Variants in TENM2 observed in about 807,000 individuals in gnomAD.
The protein encoded by TENM2 is teneurin transmembrane protein 2.
TENM2 carries 52 observed loss-of-function variants against 245.2 expected under a neutral mutation model. That is an observed-to-expected ratio of 0.21 (90% confidence interval 0.17 to 0.27). The LOEUF is 0.27. TENM2 is among the 10% of genes least tolerant of loss of function. The pLI is 1.00. For missense variants in TENM2, 3,046 were observed against 3,666.8 expected, an observed-to-expected ratio of 0.83 and a Z score of 4.37; for synonymous variants, 1,363 against 1,438.9, an observed-to-expected ratio of 0.95 and a Z score of 1.19.
At position 168,218,978 on chromosome 5, in the gene TENM2, C is replaced by T; in HGVS notation, c.5087C>T (p.Thr1696Ile). The T allele has an allele frequency of 6.2e-7, 1 of 1,613,586 alleles. No individual in the cohort carries two copies. Among genetic ancestry groups the T allele is most frequent in the Non-Finnish European group, 8.5e-7 (1 of 1,179,654 alleles). ...CTCCTGGCCACCAAGAGCGATGAAA[C>T]AGGATGGACGACTTTCTATGAGTAA... Residue 1696 changes from threonine to isoleucine, a missense_variant, in exon 23 of 29, where the codon ACA becomes ATA. Thr to Ile is a moderately conservative substitution (Grantham distance 89). This residue lies in a region of TENM2 where 2,704 missense variants were observed against 3,331.9 expected (regional missense o/e 0.81). Coordinates refer to ENST00000518659, the Ensembl canonical transcript of TENM2. The surrounding 1 kb of genome is among the most constrained non-coding windows in gnomAD (Gnocchi z 5.2).
At chr5:167,309,269 A>G (rs1755874191) in intron 1 of TENM2, among the ~76,000 whole-genome samples, 1 of 152,166 alleles carries the variant, frequency 6.6e-6, no homozygotes, top group Admixed American at 6.5e-5. Flanking sequence ...CTGGGTTGAT[A>G]CTGCAACGTG....
the TENM2 span, among the ~76,000 whole-genome samples, chr5:167,229,566 G>T: frequency 6.6e-6 from 1 of 152,208 alleles, no homozygotes; most frequent in Non-Finnish European, 1.5e-5. Flanking sequence ...GCAGGTGGCA[G>T]GTACAAGTGG....
the TENM2 span, among the ~76,000 whole-genome samples, chr5:167,109,148 T>C: frequency 6.6e-6 from 1 of 152,172 alleles, no homozygotes; most frequent in East Asian, 1.9e-4. Flanking sequence ...GTATTTTTAC[T>C]GTATATTAGA....
intron 2 of TENM2, among the ~76,000 whole-genome samples, chr5:167,713,071 C>T (rs1264083779): frequency 3.9e-5 from 6 of 151,974 alleles, no homozygotes; most frequent in South Asian, 2.1e-4. Flanking sequence ...TACATATGTG[C>T]GTGTGTATAG....
At chr5:167,284,120 C>G (rs960278913), upstream of TENM2, among the ~76,000 whole-genome samples, 2 of 152,142 alleles carry the variant, frequency 1.3e-5, no homozygotes, top group Non-Finnish European at 2.9e-5. Context: ...GTCCAAGACA[C>G]AGATCTGCAA....
chr5:167,919,076 C>T lies in TENM2; in HGVS notation c.713-33512C>T, dbSNP rs1194929036. ...ACTAATGTGCAATCTCTATTTCTTGCTTTTGTCTGGGGGCCTCTCATATTA... is the reference window on the plus strand; with the variant it reads ...ACTAATGTGCAATCTCTATTTCTTGTTTTTGTCTGGGGGCCTCTCATATTA... On this transcript the variant is annotated intron_variant, in intron 3 of 28. Transcript: ENST00000518659. Among the ~76,000 whole-genome samples the T allele has an allele frequency of 5.3e-5, 8 of 152,128 alleles. 1 individual carries two copies. Among genetic ancestry groups the T allele is most frequent in the Admixed American group, 3.9e-4 (6 of 15,276 alleles).
chr5:168,031,894 G>T (rs552716522), intron 5 of TENM2, among the ~76,000 whole-genome samples: 2 of 152,288 alleles, frequency 1.3e-5, no homozygotes, highest in South Asian at 4.1e-4. Flanking sequence ...CTGGGACCTG[G>T]ACCTGAAGCC....
chr5:167,586,589 T>C (rs1775510846), intron 2 of TENM2, among the ~76,000 whole-genome samples: 1 of 152,230 alleles, frequency 6.6e-6, no homozygotes, highest in African/African-American at 2.4e-5. Context: ...AATCCACTCC[T>C]ATGTCTTATG....
chr5:167,252,067 G>A, the TENM2 span, among the ~76,000 whole-genome samples: 1 of 152,082 alleles, frequency 6.6e-6, no homozygotes, highest in Admixed American at 6.5e-5. Flanking sequence ...CTTTTGGGGG[G>A]CCTAGTGTGA....
intron 2 of TENM2, among the ~76,000 whole-genome samples, chr5:167,384,323 G>A (rs1761283235): frequency 6.6e-6 from 1 of 152,128 alleles, no homozygotes; most frequent in African/African-American, 2.4e-5. Flanking sequence ...TAATTAGGTT[G>A]TAAATAGGGG....
chr5:167,912,704 A>G (rs1273438057), intron 3 of TENM2, among the ~76,000 whole-genome samples: 1 of 152,176 alleles, frequency 6.6e-6, no homozygotes, highest in Admixed American at 6.5e-5. Context: ...CTTTGGAGGT[A>G]ACCAAGGAAC....
At chr5:167,440,407 G>A (rs970806608) in intron 2 of TENM2, among the ~76,000 whole-genome samples, 10 of 152,026 alleles carry the variant, frequency 6.6e-5, no homozygotes, top group African/African-American at 2.2e-4. Context: ...CTGGATCCCC[G>A]CATTGAAAAG....
At chr5:167,317,807 T>C (rs897779633) in intron 1 of TENM2, among the ~76,000 whole-genome samples, 5 of 152,092 alleles carry the variant, frequency 3.3e-5, no homozygotes, top group African/African-American at 1.2e-4. Flanking sequence ...GAGATCATTG[T>C]GTGGGTGTGA....
At chr5:167,140,916 C>T in the TENM2 span, among the ~76,000 whole-genome samples, 1 of 152,118 alleles carries the variant, frequency 6.6e-6, no homozygotes, top group Non-Finnish European at 1.5e-5. Flanking sequence ...ACCATTAAAA[C>T]CAGGTGACTC....
intron 21 of TENM2, 32 bp from the exon 24 acceptor site, chr5:168,216,736 A>G: frequency 6.2e-7 from 1 of 1,612,308 alleles, no homozygotes; most frequent in Non-Finnish European, 8.5e-7. Context: ...CACCTTTCCA[A>G]GAGATAAATC....
chr5:167,923,910 A>G (rs929969968), intron 3 of TENM2, among the ~76,000 whole-genome samples: 1 of 152,172 alleles, frequency 6.6e-6, no homozygotes. Flanking sequence ...ATAAAGAGAT[A>G]AGGTGTGACT....
chr5:167,107,957 A>G, the TENM2 span, among the ~76,000 whole-genome samples: 1 of 152,028 alleles, frequency 6.6e-6, no homozygotes, highest in South Asian at 2.1e-4. Flanking sequence ...ACAGCAGAAG[A>G]CTCGGCCCAC....
chr5:167,832,060 C>A (rs1235779255), intron 2 of TENM2, among the ~76,000 whole-genome samples: 3 of 151,774 alleles, frequency 2.0e-5, no homozygotes, highest in African/African-American at 7.3e-5. Context: ...CATTCAGGAA[C>A]AAAAATAATG....
the TENM2 span, among the ~76,000 whole-genome samples, chr5:167,095,156 G>A: frequency 6.6e-6 from 1 of 152,212 alleles, no homozygotes; most frequent in African/African-American, 2.4e-5. Flanking sequence ...TTTAGTGGAA[G>A]AGACTGATAA....
Sources: gnomAD v4.1 joint callset for allele counts (sites outside exome capture counted in the v4.1 genomes callset) on GRCh38, gnomAD v4.1.1 for gene constraint, gnomAD v4.1.1 regional missense constraint, Gnocchi (gnomAD v3.1) non-coding constraint, MANE v1.5 for transcripts, NCBI Gene and HGNC (gene_info 2026-07-23, HGNC 2026-07-21) for gene names.